Variants in BTBD8 observed in about 807,000 individuals in gnomAD.
BTBD8 encodes BTB/POZ domain-containing protein 8.
In BTBD8, 110 loss-of-function variants were observed where a neutral mutation model predicts 162.9. The ratio of observed to expected loss-of-function variants is 0.68; its 90% CI spans 0.58 to 0.79. The LOEUF (loss-of-function observed/expected upper bound fraction) is 0.79, where lower values mean the gene tolerates loss of function less well. Among genes scored for constraint, BTBD8 ranks in the 30% least tolerant of loss-of-function variants. The probability of loss-of-function intolerance (pLI) is 0.00; values close to 1 mark genes in which losing one functional copy is unlikely to be tolerated. For synonymous variants in BTBD8, 667 were observed against 716.1 expected (o/e 0.93, Z 1.10); for missense variants, 1,905 against 2,085.4 (o/e 0.91, Z 1.68).
intron 12 of BTBD8, among the ~76,000 whole-genome samples, chr1:92,170,428 C>A (rs906151087): frequency 2.6e-5 from 4 of 151,854 alleles, no homozygotes; most frequent in African/African-American, 9.7e-5. Context: ...AGTTACTGAC[C>A]TTTGGGAGAA....
chr1:92,098,006 C>T (rs569833771), intron 2 of BTBD8, among the ~76,000 whole-genome samples: 22 of 152,296 alleles, frequency 1.4e-4, no homozygotes, highest in Middle Eastern at 6.8e-3. Context: ...ACAAGGGACA[C>T]TCATCAGAAG....
intron 2 of BTBD8, among the ~76,000 whole-genome samples, chr1:92,093,201 T>A (rs1648360984): frequency 6.7e-6 from 1 of 149,262 alleles, no homozygotes. Flanking sequence ...TTTTTTTTTT[T>A]TTTTTTTGAG....
In BTBD8 at chr1:92,086,223, A is replaced by G. The variant is rs376027650; in HGVS notation, c.150-2475A>G. Among the ~76,000 whole-genome samples the G allele has an allele frequency of 5.4e-4, 82 of 152,226 alleles. 1 individual carries two copies. The highest frequency in any genetic ancestry group is 1.9e-3 in the African/African-American group (78 of 41,554). ...AGCCCCGGATTCCATCCAAGCCACT[A>G]GGGGTTTAATGCCCTGGGCTTATAT... On this transcript the variant is annotated intron_variant, in intron 1 of 17. Transcript: ENST00000636805.
intron 2 of BTBD8, among the ~76,000 whole-genome samples, chr1:92,101,739 C>T (rs1465570003): frequency 6.6e-6 from 1 of 152,062 alleles, no homozygotes; most frequent in African/African-American, 2.4e-5. Flanking sequence ...ACTCTGTTGC[C>T]CTGACTGGAG....
At chr1:92,101,254 CAT>C (rs147555086) in intron 2 of BTBD8, among the ~76,000 whole-genome samples, 1,974 of 152,320 alleles carry the variant, frequency 0.013, 47 homozygotes, top group African/African-American at 0.045. Flanking sequence ...TTTTCAGTCT[CAT>C]ATCCCAAGCT....
chr1:92,085,238 A>G (rs1198632684), intron 1 of BTBD8, among the ~76,000 whole-genome samples: 1 of 152,184 alleles, frequency 6.6e-6, no homozygotes, highest in Non-Finnish European at 1.5e-5. Context: ...GGCAGTGTAA[A>G]TTGCTTTAGA....
rs374486735 is a variant in BTBD8, at chr1:92,177,333, G to T, written c.2140G>T (p.Gly714Trp). The T allele has an allele frequency of 6.5e-5, 101 of 1,551,828 alleles. No individual in the cohort carries two copies. In the African/African-American group the frequency reaches 1.2e-3, roughly 18 times the overall value. The change falls in exon 14 of 18, where the codon GGG (glycine) becomes TGG (tryptophan). Residue 714 changes from glycine to tryptophan, a missense_variant. Coordinates refer to ENST00000636805, the MANE Select transcript of BTBD8 (RefSeq NM_001376131.1). The stretch of plus-strand genomic sequence containing the variant: ...AGCAAAGCCTTTGAAGAAAGCTACA[G>T]GGAAGGATTCACCATGCCTCAGCAT... ...AKAKPLKKAT[G>W]KDSPCLSIAG...
At chr1:92,149,082 A>AG (rs1167371964) in intron 9 of BTBD8, among the ~76,000 whole-genome samples, 6 of 152,242 alleles carry the variant, frequency 3.9e-5, no homozygotes, top group African/African-American at 1.4e-4. Context: ...AGTGGTTAGT[A>AG]GAAAAAGGTA....
chr1:92,159,131 C>T (rs574911376), intron 9 of BTBD8, among the ~76,000 whole-genome samples: 1 of 151,818 alleles, frequency 6.6e-6, no homozygotes, highest in South Asian at 2.1e-4. Flanking sequence ...TGATTCATTA[C>T]TCTTCGTTTG....
chr1:92,175,477 C>CAAAAAA (rs71091265), intron 13 of BTBD8, among the ~76,000 whole-genome samples: 1,955 of 37,320 alleles, frequency 0.052, 316 homozygotes, highest in Admixed American at 0.12. Flanking sequence ...GACTCCATCT[C>CAAAAAA]AAAAAAAAAA....
Position 92,147,747 on chromosome 1 carries a change from G to A in BTBD8, c.1083G>A (p.Glu361=), listed in dbSNP as rs774911210. The change falls in exon 9 of 18, where the codon GAG becomes GAA. Residue 361 remains glutamate, a synonymous_variant. Transcript: ENST00000636805. ...GAAGCTTTGCAAATATACCTCCTGA[G>A]ATTCAGAAAAGTTGTCTTAATATGT... The part of the protein sequence containing the change: ...SERSFANIPP[E]IQKSCLNMLI... 3.1e-6 allele frequency: 5 copies of A among 1,613,546 alleles called. No homozygotes were observed. The highest frequency in any genetic ancestry group is 4.2e-6 in the Non-Finnish European group (5 of 1,179,814).
chr1:92,091,436 C>T (rs144898808), intron 2 of BTBD8, among the ~76,000 whole-genome samples: 234 of 152,014 alleles, frequency 1.5e-3, no homozygotes, highest in African/African-American at 5.1e-3. Context: ...AGTGTGAGAA[C>T]GGACTAATAC....
chr1:92,183,532 T>A (rs1402446294), intron 17 of BTBD8, among the ~76,000 whole-genome samples: 1 of 151,950 alleles, frequency 6.6e-6, no homozygotes, highest in Non-Finnish European at 1.5e-5. Context: ...CTTTTTTTTT[T>A]CTCTTTTTCT....
intron 1 of BTBD8, among the ~76,000 whole-genome samples, chr1:92,087,244 G>A (rs1648185889): frequency 6.7e-6 from 1 of 148,694 alleles, no homozygotes; most frequent in African/African-American, 2.5e-5. Context: ...AACAAGGTGG[G>A]TTCCCTCCTG....
Position 92,183,845 on chromosome 1 carries a change from G to A in BTBD8, c.4913-19G>A. The A allele has an allele frequency of 7.9e-6, 12 of 1,519,448 alleles. No homozygotes were observed. Among genetic ancestry groups the A allele is most frequent in the Non-Finnish European group, 1.1e-5 (12 of 1,126,576 alleles). 94.1% of individuals were successfully genotyped at this position (1,519,448 alleles called of 1,614,324 possible). A position where few individuals can be genotyped will look rare whatever the true frequency, so the allele number is the denominator to read the frequency against. On this transcript the variant is annotated intron_variant, in intron 17 of 17. Coordinates refer to ENST00000636805, the MANE Select transcript of BTBD8 (RefSeq NM_001376131.1). ...CAACGTGCAATTTTTACATTGTGTA[G>A]TATTATGAATTATTTCAGGAGACAT... is the stretch of plus-strand genomic sequence containing the variant.
At chr1:92,167,200 T>C (rs950522489) in intron 10 of BTBD8, 60 bp downstream of exon 10, 28 of 1,519,108 alleles carry the variant, frequency 1.8e-5, no homozygotes, top group Non-Finnish European at 2.2e-5. Flanking sequence ...ATTTCAATTA[T>C]GTAAGAGCTT....
chr1:92,136,982 G>A (rs756669486), intron 5 of BTBD8, among the ~76,000 whole-genome samples: 1 of 152,086 alleles, frequency 6.6e-6, no homozygotes, highest in African/African-American at 2.4e-5. Context: ...AACAATCAGG[G>A]ATAAAAAGCC....
At chr1:92,131,740 CCA>C (rs1649521711) in intron 5 of BTBD8, among the ~76,000 whole-genome samples, 1 of 146,714 alleles carries the variant, frequency 6.8e-6, no homozygotes, top group Non-Finnish European at 1.5e-5. Context: ...AAAAAAAAAA[CCA>C]CACACATTAT....
chr1:92,102,479 A>G lies in BTBD8; in HGVS notation c.354A>G (p.Ile118Met). The G allele has an allele frequency of 3.4e-6, 5 of 1,490,578 alleles. No homozygotes were observed. Among genetic ancestry groups the G allele is most frequent in the East Asian group, 2.4e-5 (1 of 42,180 alleles). The allele number at this position is 1,490,578 out of a possible 1,614,324, so 92.3% of individuals were successfully genotyped here. The change falls in exon 3 of 18, where the codon ATA (isoleucine) becomes ATG (methionine). Residue 118 changes from isoleucine (I) to methionine (M), a missense_variant. Physicochemically the swap from Ile to Met is conservative, Grantham distance 10 (BLOSUM62 1). Around this residue, in one of 3 missense-constraint regions of BTBD8, gnomAD observed 1,374 missense variants for 1,442.7 expected, o/e 0.95. Transcript: ENST00000636805. ...ALEFRTFLQI[I>M]YSSNRNIKNY... ...TTTATATTTTGTCTTTTAGGATTAT[A>G]TATTCATCAAACAGAAACATAAAAA... is the stretch of plus-strand genomic sequence containing the variant.
Sources: gnomAD v4.1 joint callset for allele counts (sites outside exome capture counted in the v4.1 genomes callset) on GRCh38, gnomAD v4.1.1 for gene constraint, gnomAD v4.1.1 regional missense constraint, MANE v1.5 for transcripts, NCBI Gene and HGNC (gene_info 2026-07-23, HGNC 2026-07-21) for gene names.